Variants in ROBO1 observed in about 807,000 individuals in gnomAD.
ROBO1 encodes roundabout guidance receptor 1.
Under a neutral mutation model 195.9 loss-of-function variants are expected in ROBO1, and 149 were observed. That is an observed-to-expected ratio of 0.76 (90% confidence interval 0.67 to 0.87). The LOEUF (loss-of-function observed/expected upper bound fraction) is 0.87, where lower values mean the gene tolerates loss of function less well. ROBO1 is among the 40% of genes least tolerant of loss of function. ROBO1 has a pLI of 0.00. For missense variants in ROBO1, 1,933 were observed against 2,068.3 expected, an observed-to-expected ratio of 0.93 and a Z score of 1.27; for synonymous variants, 816 against 733.2, an observed-to-expected ratio of 1.11 and a Z score of -1.82.
chr3:79,564,674 C>A (rs1943036407), intron 2 of ROBO1, among the ~76,000 whole-genome samples: 1 of 151,946 alleles, frequency 6.6e-6, no homozygotes, highest in Admixed American at 6.6e-5. Context: ...AGTTTTCTAA[C>A]TTTTTGTTTA....
rs190298159 is a variant in ROBO1, at chr3:79,605,119, T to G, written c.-50-15158A>C. Among the ~76,000 whole-genome samples, 782 of 152,146 alleles carry G rather than the reference T, an allele frequency of 5.1e-3. 5 individuals are homozygous for G. Among genetic ancestry groups the G allele is most frequent in the African/African-American group, 0.016 (675 of 41,552 alleles). ...CTTCCTTTATGCTAAAAAGGAATTGTCCGAAATGTTCAACGCAGTTTACAG... is the reference window on the plus strand; with the variant it reads ...CTTCCTTTATGCTAAAAAGGAATTGGCCGAAATGTTCAACGCAGTTTACAG... On this transcript the variant is annotated intron_variant, in intron 1 of 30. Coordinates refer to ENST00000464233, the MANE Select transcript of ROBO1 (RefSeq NM_002941.4).
intron 2 of ROBO1, among the ~76,000 whole-genome samples, chr3:79,195,582 T>C (rs1476715075): frequency 6.6e-6 from 1 of 151,604 alleles, no homozygotes; most frequent in Admixed American, 6.6e-5. Context: ...AAAGAAGGAC[T>C]TGTATAATGA....
chr3:79,148,087 A>G (rs2108630734), intron 2 of ROBO1, among the ~76,000 whole-genome samples: 1 of 151,478 alleles, frequency 6.6e-6, no homozygotes, highest in Non-Finnish European at 1.5e-5. Context: ...TCATATCCCC[A>G]CTGTTCATTT....
At chr3:78,771,781 C>A (rs1305696441) in intron 4 of ROBO1, among the ~76,000 whole-genome samples, 1 of 152,022 alleles carries the variant, frequency 6.6e-6, no homozygotes, top group Non-Finnish European at 1.5e-5. Context: ...TTCCAGGAGT[C>A]TTTTGGTAGA....
At chr3:79,638,376 G>A (rs1318866145) in intron 1 of ROBO1, among the ~76,000 whole-genome samples, 2 of 152,094 alleles carry the variant, frequency 1.3e-5, no homozygotes, top group African/African-American at 4.8e-5. Flanking sequence ...TCTTAATTAT[G>A]TAATGGTCTG....
At chr3:79,111,065 T>C (rs1050632724) in intron 3 of ROBO1, among the ~76,000 whole-genome samples, 2 of 152,144 alleles carry the variant, frequency 1.3e-5, no homozygotes, top group African/African-American at 4.8e-5. Flanking sequence ...CAATAGACTA[T>C]TATGACTTTA....
chr3:79,170,700 A>T (rs989658736), intron 2 of ROBO1, among the ~76,000 whole-genome samples: 1 of 152,096 alleles, frequency 6.6e-6, no homozygotes, highest in African/African-American at 2.4e-5. Context: ...CCAGTGAATT[A>T]GACAAGTTAT....
intron 4 of ROBO1, among the ~76,000 whole-genome samples, chr3:78,878,848 G>A (rs2036013052): frequency 6.6e-6 from 1 of 152,104 alleles, no homozygotes; most frequent in Non-Finnish European, 1.5e-5. Flanking sequence ...TACAGTCTAG[G>A]TAAAAAGTAC....
intron 2 of ROBO1, among the ~76,000 whole-genome samples, chr3:79,330,440 T>C (rs1195282907): frequency 6.6e-6 from 1 of 151,344 alleles, no homozygotes; most frequent in Non-Finnish European, 1.5e-5. Context: ...TAATGGTTTT[T>C]ATATTTACAA....
chr3:78,869,937 C>A (rs1182472048), intron 4 of ROBO1, among the ~76,000 whole-genome samples: 1 of 152,144 alleles, frequency 6.6e-6, no homozygotes, highest in Non-Finnish European at 1.5e-5. Context: ...GATTAACTTT[C>A]ACCTCAAATT....
Position 79,577,220 on chromosome 3 carries a change from C to T in ROBO1, c.88+12604G>A, listed in dbSNP as rs568761137. ...ATTTTCACATTTGATTCTCATTCCA[C>T]ACATCAGGGCTACAAAAGATATTCT... On this transcript the variant is annotated intron_variant, in intron 2 of 30. Transcript: ENST00000464233. 7.2e-5 allele frequency among the ~76,000 whole-genome samples: 11 copies of T among 152,220 alleles called. No individual in the cohort carries two copies. The South Asian group carries it at 2.1e-3, about 29-fold the overall frequency.
At chr3:78,842,893 A>G (rs1172644273) in intron 4 of ROBO1, among the ~76,000 whole-genome samples, 1 of 152,006 alleles carries the variant, frequency 6.6e-6, no homozygotes, top group Non-Finnish European at 1.5e-5. Context: ...ATACTTTCAA[A>G]AGGACATTTA....
chr3:79,224,839 C>T (rs989061917), intron 2 of ROBO1, among the ~76,000 whole-genome samples: 20 of 152,126 alleles, frequency 1.3e-4, no homozygotes, highest in Non-Finnish European at 8.8e-5. Context: ...GATGAAAAGC[C>T]TGCCCTCTAG....
At chr3:78,672,307 C>T (rs190845433) in intron 10 of ROBO1, among the ~76,000 whole-genome samples, 1,820 of 152,142 alleles carry the variant, frequency 0.012, 47 homozygotes, top group African/African-American at 0.042. Context: ...TGGCCGGGCA[C>T]TGGGGCTCAC....
intron 2 of ROBO1, among the ~76,000 whole-genome samples, chr3:79,287,952 A>G (rs2031995217): frequency 6.6e-6 from 1 of 152,078 alleles, no homozygotes; most frequent in Non-Finnish European, 1.5e-5. Flanking sequence ...AAATGAGAAC[A>G]CCCTAACCAT....
At chr3:78,967,334 C>A (rs2076669613) in intron 3 of ROBO1, among the ~76,000 whole-genome samples, 1 of 150,232 alleles carries the variant, frequency 6.7e-6, no homozygotes, top group Non-Finnish European at 1.5e-5. Context: ...CCCACCCCCA[C>A]CCCATCCTTG....
At chr3:79,624,215 A>G (rs926302735) in intron 1 of ROBO1, among the ~76,000 whole-genome samples, 2 of 152,140 alleles carry the variant, frequency 1.3e-5, no homozygotes, top group African/African-American at 4.8e-5. Flanking sequence ...TATGGAAAGG[A>G]AAAACTGGTA....
chr3:78,709,844 G>A (rs1400648116), intron 8 of ROBO1, among the ~76,000 whole-genome samples: 2 of 152,098 alleles, frequency 1.3e-5, no homozygotes, highest in Admixed American at 6.6e-5. Flanking sequence ...TAGAGATAAC[G>A]GAATGGAAAT....
At chr3:78,861,162 T>C (rs2034813971) in intron 4 of ROBO1, among the ~76,000 whole-genome samples, 1 of 152,266 alleles carries the variant, frequency 6.6e-6, no homozygotes, top group South Asian at 2.1e-4. Flanking sequence ...AGATCCAAAC[T>C]CCTTATCTTC....
Sources: allele counts gnomAD v4.1 joint callset (sites outside exome capture counted in the v4.1 genomes callset), GRCh38; gene constraint gnomAD v4.1.1; transcripts MANE v1.5; gene names NCBI Gene and HGNC (gene_info 2026-07-23, HGNC 2026-07-21).